The following TRMT6 variants were observed in gnomAD, a reference collection of about 807,000 sequenced individuals.
TRMT6 encodes tRNA (adenine(58)-N(1))-methyltransferase non-catalytic subunit TRM6.
Under a neutral mutation model 59.0 loss-of-function variants are expected in TRMT6, and 34 were observed. The observed-to-expected ratio is 0.58, with a 90% confidence interval of 0.44 to 0.77. The LOEUF is 0.77. TRMT6 is among the 30% of genes least tolerant of loss of function. TRMT6 has a pLI of 0.00. For missense variants in TRMT6, 575 were observed against 604.5 expected (o/e 0.95, Z 0.51); for synonymous variants, 217 against 210.5 (o/e 1.03, Z -0.27).
intron 1 of TRMT6, among the ~76,000 whole-genome samples, chr20:5,946,928 T>C (rs955644263): frequency 6.6e-6 from 1 of 152,186 alleles, no homozygotes; most frequent in African/African-American, 2.4e-5. Context: ...ACCAGGCAAC[T>C]TGAGGTTTCC....
At position 5,941,692 on chromosome 20, in the gene TRMT6, C is replaced by T. The variant is rs80260775; in HGVS notation, c.1112+259G>A. 959 of 548,512 alleles carry T rather than the reference C, an allele frequency of 1.7e-3. 12 individuals are homozygous for T. The East Asian group carries it at 0.024, about 14-fold the overall frequency. 34.0% of individuals were successfully genotyped at this position (548,512 alleles called of 1,614,324 possible). On this transcript the variant is annotated intron_variant, in intron 8 of 10. Transcript: ENST00000203001. Reference sequence around the variant, plus strand: ...TCGCAGCATTTGAGTGCCCCATCCCCTGCATCCAGTGGGACCACAGGGCCC... The same window carrying T: ...TCGCAGCATTTGAGTGCCCCATCCCTTGCATCCAGTGGGACCACAGGGCCC...
chr20:5,943,474 T>A, intron 6 of TRMT6, 85 bp downstream of exon 6: 1 of 1,552,778 alleles, frequency 6.4e-7, no homozygotes. Context: ...TAATTCAATT[T>A]GGCTTTCCAT....
chr20:5,942,055 GA>G lies in TRMT6; in HGVS notation c.1027-20del, dbSNP rs1183591930. Reference sequence around the variant, plus strand: ...CCTGAATCTTCAAAAAGAAAAATAAGAAATCAATGTACTGGGGTCTTTCAGT... The same window carrying G: ...CCTGAATCTTCAAAAAGAAAAATAAGAATCAATGTACTGGGGTCTTTCAGT... On this transcript the variant is annotated intron_variant, in intron 7 of 10. Coordinates refer to ENST00000203001, the MANE Select transcript of TRMT6 (RefSeq NM_015939.5). 1 of 1,598,452 alleles carries G rather than the reference GA, an allele frequency of 6.3e-7. No homozygotes were observed. Among genetic ancestry groups the G allele is most frequent in the Non-Finnish European group, 8.6e-7 (1 of 1,169,540 alleles).
At position 5,942,664 on chromosome 20, in the gene TRMT6, T is replaced by C. The variant is rs373735256; in HGVS notation, c.790A>G (p.Ser264Gly). 51 of 1,614,016 alleles carry C rather than the reference T, an allele frequency of 3.2e-5. No individual in the cohort carries two copies. The highest frequency in any genetic ancestry group is 4.0e-5 in the Non-Finnish European group (47 of 1,180,028). ...LYEFPLNKVD[S>G]LLHGTFSAKM... ...GCAGAAAATGTTCCATGTAGAAGAC[T>C]GTCCACTTTGTTGAGAGGGAATTCA... is the stretch of plus-strand genomic sequence containing the variant. The change falls in exon 7 of 11, where the codon AGT becomes GGT. Residue 264 changes from serine (S) to glycine (G), a missense_variant. Physicochemically the swap from Ser to Gly is moderately conservative, Grantham distance 56. Coordinates refer to ENST00000203001, the MANE Select transcript of TRMT6 (RefSeq NM_015939.5).
chr20:5,941,076 C>T lies in TRMT6; in HGVS notation c.1279G>A (p.Glu427Lys), dbSNP rs1179900845. Residue 427 changes from glutamate to lysine, a missense_variant, in exon 10 of 11, where the codon GAA becomes AAA. Glu to Lys is a moderately conservative substitution (Grantham distance 56). Coordinates refer to ENST00000203001, the MANE Select transcript of TRMT6 (RefSeq NM_015939.5). ...ACCTGATAATTTCTGAGCCAGGTTT[C>T]AGACAGCCTGAGGTTGATGACCCCT... is the stretch of plus-strand genomic sequence containing the variant. ...RGGVINLRLSETWLRNYQVLP... is the reference protein window; with the variant it reads ...RGGVINLRLSKTWLRNYQVLP... 1.2e-6 allele frequency: 2 copies of T among 1,614,064 alleles called. No homozygotes were observed. Among genetic ancestry groups the T allele is most frequent in the Non-Finnish European group, 1.7e-6 (2 of 1,180,024 alleles).
chr20:5,941,382 C>T (rs1488025467), intron 8 of TRMT6, 37 bp from the exon 9 acceptor site: 6 of 1,473,556 alleles, frequency 4.1e-6, no homozygotes, highest in Middle Eastern at 1.7e-4. Context: ...TTTCTCTACA[C>T]CCTCAAAGTG....
chr20:5,947,316 T>C (rs574697344), intron 1 of TRMT6, among the ~76,000 whole-genome samples: 1 of 152,344 alleles, frequency 6.6e-6, no homozygotes, highest in Non-Finnish European at 1.5e-5. Context: ...ATGGCCCATG[T>C]GCACAGAACA....
rs1192819900 is a variant in TRMT6 at position 5,942,915 on chromosome 20, G to A, written c.668-129C>T. The stretch of plus-strand genomic sequence containing the variant: ...GTACTTTATTCAGAGGCTGAAGGAT[G>A]GTGCAGCTCCTCAGGGAGTCTGTTT... On this transcript the variant is annotated intron_variant, in intron 6 of 10. Transcript: ENST00000203001. 1.1e-5 allele frequency: 8 copies of A among 722,546 alleles called. No individual in the cohort carries two copies. In the Admixed American group the frequency reaches 1.7e-4, roughly 15 times the overall value. 44.8% of individuals were successfully genotyped at this position (722,546 alleles called of 1,614,324 possible). A position where few individuals can be genotyped will look rare whatever the true frequency, so the allele number is the denominator to read the frequency against.
rs73085187 is a variant in TRMT6, at chr20:5,938,423, T to C, written c.*112A>G. 8.8e-3 allele frequency: 9,954 copies of C among 1,132,000 alleles called. 64 individuals carry two copies. Among genetic ancestry groups the C allele is most frequent in the South Asian group, 0.013 (840 of 64,422 alleles). The allele number at this position is 1,132,000 out of a possible 1,614,324, so 70.1% of individuals were successfully genotyped here. ...CTCCTCCTTCCTAGAAACGGGTACA[T>C]AGACATGTTCTTATTCTTGGGATAT... On this transcript the variant is annotated 3_prime_UTR_variant, in exon 11 of 11. Coordinates refer to ENST00000203001, the MANE Select transcript of TRMT6 (RefSeq NM_015939.5).
At position 5,950,492 on chromosome 20, in the gene TRMT6, C is replaced by G. The variant is rs2088783379; in HGVS notation, c.-87G>C. ...GCCAGCCTCACTTCCCACAACCTGG[C>G]GCACTAGGAGCCCTCCGACCGGCAC... On this transcript the variant is annotated 5_prime_UTR_variant, in exon 1 of 11. Coordinates refer to ENST00000203001, the MANE Select transcript of TRMT6 (RefSeq NM_015939.5). The G allele has an allele frequency of 6.9e-7, 1 of 1,438,862 alleles. No individual in the cohort carries two copies. Among genetic ancestry groups the G allele is most frequent in the African/African-American group, 1.4e-5 (1 of 69,596 alleles). The allele number at this position is 1,438,862 out of a possible 1,614,324, so 89.1% of individuals were successfully genotyped here.
intron 1 of TRMT6, among the ~76,000 whole-genome samples, chr20:5,948,691 T>C (rs978450872): frequency 1.8e-4 from 28 of 151,976 alleles, no homozygotes; most frequent in African/African-American, 6.5e-4. Flanking sequence ...AAAAATTAAT[T>C]AGTTTAAAAA....
At chr20:5,949,794 G>A (rs980989813) in intron 1 of TRMT6, among the ~76,000 whole-genome samples, 1 of 151,896 alleles carries the variant, frequency 6.6e-6, no homozygotes, top group Non-Finnish European at 1.5e-5. Flanking sequence ...GATCTATGGT[G>A]GAAAAAAAGG....
Position 5,947,919 on chromosome 20 carries a change from C to T in TRMT6, c.129-1386G>A, listed in dbSNP as rs374607619. On this transcript the variant is annotated intron_variant, in intron 1 of 10. Coordinates refer to ENST00000203001, the MANE Select transcript of TRMT6 (RefSeq NM_015939.5). ...TAAAAAAATTAGCCAGGTGTAGTGG[C>T]ACACACCTGTAGTCCCAGCTACTTG... Among the ~76,000 whole-genome samples, 104 of 152,172 alleles carry T rather than the reference C, an allele frequency of 6.8e-4. 1 individual carries two copies. In the South Asian group the frequency reaches 0.021, roughly 31 times the overall value.
intron 8 of TRMT6, 60 bp from the exon 9 acceptor site, chr20:5,941,405 T>A: frequency 8.4e-7 from 1 of 1,196,736 alleles, no homozygotes; most frequent in Non-Finnish European, 1.2e-6. Context: ...GCACAGGTTT[T>A]AAAATGCATT....
chr20:5,945,920 C>T (rs34573741), intron 2 of TRMT6, among the ~76,000 whole-genome samples: 10,223 of 152,218 alleles, frequency 0.067, 400 homozygotes, highest in Non-Finnish European at 0.096. Context: ...ACACTCAATA[C>T]AACCTAGGCA....
In TRMT6 at chr20:5,942,623, T is replaced by G; in HGVS notation, c.831A>C (p.Ser277=). ...HGTFSAKMLS[S]EPKDSALVEE... Reference sequence around the variant, plus strand: ...CAACCAAAGCACTGTCTTTTGGCTCTGAAGATAACATCTTGGCAGAAAATG... The same window carrying G: ...CAACCAAAGCACTGTCTTTTGGCTCGGAAGATAACATCTTGGCAGAAAATG... The change falls in exon 7 of 11, where the codon TCA becomes TCC. Residue 277 remains serine (S), a synonymous_variant. Transcript: ENST00000203001. 6.2e-7 allele frequency: 1 copy of G among 1,614,230 alleles called. No homozygotes were observed. The highest frequency in any genetic ancestry group is 8.5e-7 in the Non-Finnish European group (1 of 1,180,034).
At chr20:5,944,705 AT>A in intron 3 of TRMT6, 99 bp downstream of exon 3, 4 of 768,624 alleles carry the variant, frequency 5.2e-6, no homozygotes, top group Non-Finnish European at 8.7e-6. Flanking sequence ...CTATAACGTT[AT>A]TTTTTTGTTT....
intron 7 of TRMT6, 99 bp downstream of exon 7, chr20:5,942,329 G>T: frequency 9.6e-7 from 1 of 1,036,868 alleles, no homozygotes. Flanking sequence ...TATCATCTTG[G>T]GAGCTAATAC....
At chr20:5,948,827 G>T (rs1469383575) in intron 1 of TRMT6, among the ~76,000 whole-genome samples, 1 of 152,152 alleles carries the variant, frequency 6.6e-6, no homozygotes, top group East Asian at 1.9e-4. Context: ...TGTGCAAAAA[G>T]CTTGGTTATC....
Sources: gnomAD v4.1 joint callset for allele counts (sites outside exome capture counted in the v4.1 genomes callset) on GRCh38, gnomAD v4.1.1 for gene constraint, MANE v1.5 for transcripts, NCBI Gene and HGNC (gene_info 2026-07-23, HGNC 2026-07-21) for gene names.